HK2: variants seen among roughly 807,000 people sequenced by gnomAD.
The protein encoded by HK2 is hexokinase-2.
HK2 carries 42 observed loss-of-function variants against 92.9 expected under a neutral mutation model. The observed-to-expected ratio is 0.45, with a 90% CI of 0.35 to 0.58. HK2 has a LOEUF of 0.58. HK2 is among the 20% of genes least tolerant of loss of function. The pLI, the probability that HK2 is intolerant of heterozygous loss-of-function variation, is 0.00. For synonymous variants in HK2, 422 were observed against 468.0 expected (o/e 0.90, Z 1.27); for missense variants, 978 against 1,245.1 (o/e 0.79, Z 3.23).
chr2:74,890,184 G>A (rs1201979596), intron 17 of HK2, among the ~76,000 whole-genome samples: 1 of 152,184 alleles, frequency 6.6e-6, no homozygotes, highest in Non-Finnish European at 1.5e-5. Context: ...CTGGGACATG[G>A]CATCCTCAGC....
chr2:74,855,066 G>A (rs1688663253), intron 2 of HK2, among the ~76,000 whole-genome samples: 1 of 152,078 alleles, frequency 6.6e-6, no homozygotes, highest in African/African-American at 2.4e-5. Flanking sequence ...ATGCGATCTC[G>A]GCTCACCGCA....
intron 2 of HK2, among the ~76,000 whole-genome samples, chr2:74,855,699 G>T (rs1421122225): frequency 6.6e-6 from 1 of 152,244 alleles, no homozygotes; most frequent in Non-Finnish European, 1.5e-5. Flanking sequence ...TAGCATTGGG[G>T]AGTAAATGCA....
intron 1 of HK2, among the ~76,000 whole-genome samples, chr2:74,839,306 C>T (rs1057045735): frequency 2.0e-5 from 3 of 152,266 alleles, no homozygotes. Context: ...AACCTTGGCA[C>T]ATTTTGGACA....
At position 74,835,169 on chromosome 2, in the gene HK2, G is replaced by C. The variant is rs192205413; in HGVS notation, c.63+526G>C. The C allele has an allele frequency of 2.1e-4, 39 of 185,842 alleles. No individual in the cohort carries two copies. The East Asian group carries it at 5.9e-3, about 28-fold the overall frequency. 11.5% of individuals were successfully genotyped at this position (185,842 alleles called of 1,614,324 possible). A position where few individuals can be genotyped will look rare whatever the true frequency, so the allele number is the denominator to read the frequency against. ...GCGGGGGTGGGCTCGAGGAGAAGCT[G>C]ACCCGGGAAGGAGTAGGAAAGGGGC... On this transcript the variant is annotated intron_variant, in intron 1 of 17. Transcript: ENST00000290573.
At chr2:74,873,745 GA>G (rs775372110) in intron 5 of HK2, 98 bp from the exon 6 acceptor site, 1 of 754,460 alleles carries the variant, frequency 1.3e-6, no homozygotes. Context: ...GAGAGAGAGA[GA>G]AGGAGGAGGA....
At chr2:74,882,605 T>TATATATATATATATATATATATATA (rs1553449960) in intron 12 of HK2, among the ~76,000 whole-genome samples, 3 of 75,660 alleles carry the variant, frequency 4.0e-5, no homozygotes, top group Non-Finnish European at 6.1e-5. Flanking sequence ...TCTATTGAAC[T>TATATATATATATATATATATATATA]TATATATATA....
intron 2 of HK2, among the ~76,000 whole-genome samples, chr2:74,865,303 T>C (rs1035117844): frequency 2.6e-5 from 4 of 151,958 alleles, no homozygotes; most frequent in African/African-American, 9.7e-5. Context: ...TTCCCTTCAG[T>C]CCATCAGAAA....
chr2:74,873,139 C>T (rs1187879829), intron 4 of HK2, 137 bp from the exon 5 acceptor site: 3 of 759,362 alleles, frequency 4.0e-6, no homozygotes, highest in Non-Finnish European at 7.2e-6. Flanking sequence ...CCTAGGCTAG[C>T]CAGGAAGTAA....
chr2:74,877,588 G>C (rs761501981), intron 8 of HK2, among the ~76,000 whole-genome samples: 3 of 152,126 alleles, frequency 2.0e-5, no homozygotes, highest in African/African-American at 7.2e-5. Context: ...TGTTGCACTG[G>C]GTTTAAAGCT....
chr2:74,855,796 A>G (rs1176611144), intron 2 of HK2, among the ~76,000 whole-genome samples: 1 of 152,182 alleles, frequency 6.6e-6, no homozygotes, highest in Non-Finnish European at 1.5e-5. Flanking sequence ...GTAGAGCACA[A>G]GACATGGCTC....
chr2:74,878,910 G>GA lies in HK2; in HGVS notation c.1257dup (p.His420ThrfsTer10). 6.4e-7 allele frequency: 1 copy of GA among 1,551,294 alleles called. No homozygotes were observed. Among genetic ancestry groups the GA allele is most frequent in the Non-Finnish European group, 8.7e-7 (1 of 1,146,900 alleles). On this transcript the variant is annotated frameshift_variant, in exon 9 of 18. Coordinates refer to ENST00000290573, the MANE Select transcript of HK2 (RefSeq NM_000189.5). LOFTEE classifies it high-confidence loss of function. ...TTGGGGTCGACGGTTCCGTCTACAAGAAACACCCCCAGTGAGTCAGTGTGC... is the reference window on the plus strand; with the variant it reads ...TTGGGGTCGACGGTTCCGTCTACAAGAAAACACCCCCAGTGAGTCAGTGTGC...
At chr2:74,880,741 CA>C (rs1689369331) in intron 10 of HK2, among the ~76,000 whole-genome samples, 172 bp downstream of exon 10, 1 of 152,232 alleles carries the variant, frequency 6.6e-6, no homozygotes. Context: ...TGCTCCTCTG[CA>C]AACAGTAGTA....
intron 2 of HK2, among the ~76,000 whole-genome samples, chr2:74,854,975 C>T (rs966079066): frequency 3.9e-5 from 6 of 152,126 alleles, no homozygotes; most frequent in Non-Finnish European, 7.4e-5. Context: ...TAGACTTGGA[C>T]AAAGTATGGA....
intron 9 of HK2, 126 bp from the exon 10 acceptor site, chr2:74,880,138 AG>A (rs1439523971): frequency 9.3e-5 from 90 of 972,596 alleles, no homozygotes; most frequent in East Asian, 8.6e-4. Flanking sequence ...GAGGATGTTT[AG>A]GGCAGCACCC....
intron 2 of HK2, among the ~76,000 whole-genome samples, chr2:74,863,881 A>G (rs1688889344): frequency 6.6e-6 from 1 of 152,186 alleles, no homozygotes; most frequent in South Asian, 2.1e-4. Flanking sequence ...CTGAATGTGA[A>G]AGTATGCGTT....
intron 10 of HK2, among the ~76,000 whole-genome samples, chr2:74,881,064 A>C (rs888638408): frequency 1.2e-5 from 1 of 81,388 alleles, no homozygotes; most frequent in Non-Finnish European, 2.6e-5. Flanking sequence ...GTTTTTGTAC[A>C]TAAGGTTTTA....
chr2:74,855,089 T>C (rs11694331), intron 2 of HK2, among the ~76,000 whole-genome samples: 53,065 of 152,066 alleles, frequency 0.35, 11,068 homozygotes, highest in African/African-American at 0.56. Context: ...CTCCGCCTCC[T>C]GGGTTCAAGT....
At chr2:74,873,648 G>A (rs548707403) in intron 5 of HK2, among the ~76,000 whole-genome samples, 196 bp from the exon 6 acceptor site, 2 of 152,122 alleles carry the variant, frequency 1.3e-5, no homozygotes, top group South Asian at 4.1e-4. Context: ...AAGAAAGTTG[G>A]AATGATGTTG....
intron 8 of HK2, 126 bp downstream of exon 8, chr2:74,877,447 C>T (rs561405547): frequency 3.5e-5 from 38 of 1,076,778 alleles, no homozygotes; most frequent in Admixed American, 3.3e-4. Context: ...TCTCACATGA[C>T]GTGGACCATG....
Sources: allele counts gnomAD v4.1 joint callset (sites outside exome capture counted in the v4.1 genomes callset), GRCh38; gene constraint gnomAD v4.1.1; transcripts MANE v1.5; gene names NCBI Gene and HGNC (gene_info 2026-07-23, HGNC 2026-07-21).